CDH13: variants seen among roughly 807,000 people sequenced by gnomAD.
CDH13 encodes cadherin 13.
Under a neutral mutation model 63.8 loss-of-function variants are expected in CDH13, and 24 were observed. The ratio of observed to expected loss-of-function variants is 0.38; its 90% CI spans 0.27 to 0.53. The LOEUF is 0.53. Ranked by LOEUF, CDH13 falls within the 20% of genes least tolerant of loss-of-function variation. CDH13 has a pLI of 0.85. For missense variants in CDH13, 1,049 were observed against 903.1 expected (o/e 1.16, Z -2.07); for synonymous variants, 503 against 355.3 (o/e 1.42, Z -4.67).
intron 6 of CDH13, among the ~76,000 whole-genome samples, chr16:83,424,548 A>T (rs766431172): frequency 2.8e-4 from 42 of 152,208 alleles, no homozygotes; most frequent in Non-Finnish European, 5.0e-4. Context: ...TGGATGGAAT[A>T]TTAGTTAGAC....
intron 6 of CDH13, among the ~76,000 whole-genome samples, chr16:83,452,304 A>G (rs1420128100): frequency 6.6e-6 from 1 of 151,888 alleles, no homozygotes; most frequent in East Asian, 1.9e-4. Flanking sequence ...GTTTCATGAA[A>G]CCTTGCTCTT....
intron 1 of CDH13, among the ~76,000 whole-genome samples, chr16:82,767,034 C>G (rs1356462486): frequency 1.3e-5 from 2 of 152,172 alleles, no homozygotes; most frequent in Non-Finnish European, 2.9e-5. Flanking sequence ...ACTAATCTAC[C>G]TCATGTTTTC....
At chr16:82,840,266 G>A (rs1993767) in intron 1 of CDH13, among the ~76,000 whole-genome samples, 32,364 of 151,658 alleles carry the variant, frequency 0.21, 4,244 homozygotes, top group Non-Finnish European at 0.3. Flanking sequence ...TGGTGAAGCT[G>A]AGGAGGGCGA....
intron 6 of CDH13, among the ~76,000 whole-genome samples, chr16:83,428,929 A>G (rs1414505629): frequency 6.6e-6 from 1 of 152,204 alleles, no homozygotes. Context: ...ATTTATCTTT[A>G]ATAACCAACT....
Position 83,654,351 on chromosome 16 carries a change from G to C in CDH13, c.1102-16439G>C, listed in dbSNP as rs16961179. 6.9e-4 allele frequency among the ~76,000 whole-genome samples: 105 copies of C among 152,124 alleles called. 1 individual carries two copies. In the East Asian group the frequency reaches 0.018, roughly 26 times the overall value. On this transcript the variant is annotated intron_variant, in intron 8 of 13. Coordinates refer to ENST00000567109, the MANE Select transcript of CDH13 (RefSeq NM_001257.5). ...GTGGTGGGGTTTATCTGAACATTAG[G>C]GTATAGGCCATAGTTAGGAACAGCC...
chr16:83,455,269 A>G (rs1567683879), intron 6 of CDH13, among the ~76,000 whole-genome samples: 1 of 152,200 alleles, frequency 6.6e-6, no homozygotes, highest in Non-Finnish European at 1.5e-5. Context: ...GCAAGGCCCA[A>G]GAGATTCACT....
Position 82,676,489 on chromosome 16 carries a change from T to C in CDH13, c.45+49352T>C, listed in dbSNP as rs757776945. On this transcript the variant is annotated intron_variant, in intron 1 of 13. Coordinates refer to ENST00000567109, the MANE Select transcript of CDH13 (RefSeq NM_001257.5). ...CTAATCTGAGCTACCATCATTTCTT[T>C]TTTTTTTTTTTTTTTTTTGCCTTGA... Among the ~76,000 whole-genome samples the C allele has an allele frequency of 1.4e-4, 20 of 139,628 alleles. No homozygotes were observed. The South Asian group carries it at 3.5e-3, about 25-fold the overall frequency. 91.6% of individuals were successfully genotyped at this position (139,628 alleles called of 152,430 possible). A position where few individuals can be genotyped will look rare whatever the true frequency, so the allele number is the denominator to read the frequency against.
At chr16:83,416,782 C>T (rs911418400) in intron 6 of CDH13, among the ~76,000 whole-genome samples, 12 of 152,298 alleles carry the variant, frequency 7.9e-5, no homozygotes, top group Non-Finnish European at 1.3e-4. Flanking sequence ...AATCCTGGCT[C>T]TGCCACTAAA....
chr16:83,482,335 A>G (rs1455439214), intron 6 of CDH13, among the ~76,000 whole-genome samples: 1 of 152,186 alleles, frequency 6.6e-6, no homozygotes, highest in African/African-American at 2.4e-5. Context: ...CCATCACAAA[A>G]AGATAGACAG....
Position 83,649,285 on chromosome 16 carries a change from A to T in CDH13, c.1102-21505A>T, listed in dbSNP as rs190766786. Among the ~76,000 whole-genome samples, 68 of 152,386 alleles carry T rather than the reference A, an allele frequency of 4.5e-4. 1 individual carries two copies. The highest frequency in any genetic ancestry group is 4.3e-3 in the Admixed American group (66 of 15,310). On this transcript the variant is annotated intron_variant, in intron 8 of 13. Coordinates refer to ENST00000567109, the MANE Select transcript of CDH13 (RefSeq NM_001257.5). ...TGTTTTCTACTGTAATTACATCTCA[A>T]CAGTGACCATTTATATTATTCCTTG...
intron 6 of CDH13, among the ~76,000 whole-genome samples, chr16:83,469,897 G>C (rs2073412037): frequency 6.6e-6 from 1 of 152,188 alleles, no homozygotes; most frequent in Non-Finnish European, 1.5e-5. Context: ...ACACTGAGGA[G>C]GCTGCTGCAG....
chr16:83,690,246 T>C (rs745708905), intron 10 of CDH13, among the ~76,000 whole-genome samples: 4 of 152,274 alleles, frequency 2.6e-5, no homozygotes, highest in African/African-American at 9.6e-5. Flanking sequence ...AATGAGAGAA[T>C]TAATAAATAC....
At chr16:82,632,732 A>C (rs1467106156) in intron 1 of CDH13, among the ~76,000 whole-genome samples, 3 of 152,096 alleles carry the variant, frequency 2.0e-5, no homozygotes, top group Admixed American at 6.6e-5. Flanking sequence ...GGGATGATTC[A>C]AGCACATTAC....
intron 11 of CDH13, among the ~76,000 whole-genome samples, chr16:83,757,650 A>G (rs2046437371): frequency 6.6e-6 from 1 of 152,186 alleles, no homozygotes; most frequent in Admixed American, 6.5e-5. Flanking sequence ...TAAAATTGTA[A>G]ACTCATATCG....
chr16:83,489,252 T>C (rs1288995546), intron 7 of CDH13, among the ~76,000 whole-genome samples: 1 of 152,246 alleles, frequency 6.6e-6, no homozygotes. Flanking sequence ...GCTCATGATC[T>C]TTTCATTTGG....
At chr16:82,869,377 C>G (rs57009312) in intron 2 of CDH13, among the ~76,000 whole-genome samples, 2 of 150,530 alleles carry the variant, frequency 1.3e-5, no homozygotes, top group Admixed American at 6.6e-5. Context: ...AAACACAAGT[C>G]AAGTGTAGTA....
intron 2 of CDH13, among the ~76,000 whole-genome samples, chr16:82,892,962 A>T (rs1040728736): frequency 1.3e-5 from 2 of 152,240 alleles, no homozygotes; most frequent in African/African-American, 4.8e-5. Context: ...GTTTGTAAAA[A>T]AATTGTGACC....
intron 6 of CDH13, among the ~76,000 whole-genome samples, chr16:83,408,514 A>G (rs902400565): frequency 3.9e-5 from 6 of 152,200 alleles, no homozygotes; most frequent in Admixed American, 6.5e-5. Flanking sequence ...AACAGTAAAT[A>G]TGTGTGTATC....
Position 83,460,067 on chromosome 16 carries a change from C to CA in CDH13, c.782-26402dup, listed in dbSNP as rs912805377. Among the ~76,000 whole-genome samples the CA allele has an allele frequency of 6.6e-5, 10 of 151,116 alleles. No homozygotes were observed. The East Asian group carries it at 7.8e-4, about 12-fold the overall frequency. On this transcript the variant is annotated intron_variant, in intron 6 of 13. Transcript: ENST00000567109. ...AGAACTTCTAAACTCAATAAGATAG[C>CA]AAAAAAAAGTAAAAAATAACTAAGA...
Sources: allele counts gnomAD v4.1 joint callset (sites outside exome capture counted in the v4.1 genomes callset), GRCh38; gene constraint gnomAD v4.1.1; transcripts MANE v1.5; gene names NCBI Gene and HGNC (gene_info 2026-07-23, HGNC 2026-07-21).